Variants in CADM2 observed in about 807,000 individuals in gnomAD.
CADM2 encodes the protein immunoglobulin superfamily member 4D.
In CADM2, 12 loss-of-function variants were observed where a neutral mutation model predicts 49.8. The observed-to-expected ratio is 0.24, with a 90% confidence interval of 0.15 to 0.39. The LOEUF (loss-of-function observed/expected upper bound fraction) is 0.39, where lower values mean the gene tolerates loss of function less well. Among genes scored for constraint, CADM2 ranks in the 10% least tolerant of loss-of-function variants. The pLI is 1.00. For missense variants in CADM2, 378 were observed against 492.3 expected (o/e 0.77, Z 2.20); for synonymous variants, 214 against 175.4 (o/e 1.22, Z -1.74).
At chr3:86,062,085 T>A (rs1430789655) in intron 8 of CADM2, among the ~76,000 whole-genome samples, 2 of 152,128 alleles carry the variant, frequency 1.3e-5, no homozygotes, top group African/African-American at 4.8e-5. Context: ...CCAGAAATAC[T>A]TTTTAGAATT....
chr3:86,023,057 T>C lies in CADM2; in HGVS notation c.971-42548T>C, dbSNP rs539135265. ...GAGATCTTCAGGGTTCTAGCATTTT[T>C]TACTTCATTTTACCCAGTCCCCCTT... On this transcript the variant is annotated intron_variant, in intron 8 of 9. Transcript: ENST00000383699. 1.4e-3 allele frequency among the ~76,000 whole-genome samples: 206 copies of C among 152,222 alleles called. 1 individual carries two copies. The highest frequency in any genetic ancestry group is 2.4e-3 in the Non-Finnish European group (160 of 68,040).
intron 3 of CADM2, among the ~76,000 whole-genome samples, chr3:85,875,637 C>A (rs1711722678): frequency 6.6e-6 from 1 of 152,014 alleles, no homozygotes; most frequent in East Asian, 1.9e-4. Flanking sequence ...GAGATTTCAA[C>A]TGAAAAAAAC....
intron 2 of CADM2, among the ~76,000 whole-genome samples, chr3:85,753,311 GAAGA>G (rs1479850544): frequency 6.6e-6 from 1 of 151,878 alleles, no homozygotes; most frequent in Non-Finnish European, 1.5e-5. Context: ...GAGGCAAAAA[GAAGA>G]AAGAGGAAGG....
intron 1 of CADM2, among the ~76,000 whole-genome samples, chr3:85,006,925 C>A (rs138551206): frequency 1.3e-5 from 2 of 151,978 alleles, no homozygotes; most frequent in African/African-American, 4.8e-5. Flanking sequence ...ATTATACATT[C>A]GTGCATTGAT....
chr3:86,008,128 T>A (rs1577932066), intron 8 of CADM2, among the ~76,000 whole-genome samples: 1 of 152,286 alleles, frequency 6.6e-6, no homozygotes, highest in Non-Finnish European at 1.5e-5. Flanking sequence ...AAAATCAATT[T>A]TTTTTTCCAA....
intron 1 of CADM2, among the ~76,000 whole-genome samples, chr3:85,320,758 T>C (rs1337629421): frequency 6.6e-6 from 1 of 152,174 alleles, no homozygotes; most frequent in African/African-American, 2.4e-5. Context: ...TTTTGTTTTC[T>C]GTAACTTCCT....
chr3:85,555,398 CTGCT>C (rs1430432486), intron 1 of CADM2, among the ~76,000 whole-genome samples: 1 of 152,078 alleles, frequency 6.6e-6, no homozygotes, highest in East Asian at 1.9e-4. Flanking sequence ...TTTAAAATAA[CTGCT>C]TGGTCAGGAT....
intron 1 of CADM2, among the ~76,000 whole-genome samples, chr3:85,177,069 C>A (rs911752082): frequency 1.3e-5 from 2 of 151,982 alleles, no homozygotes; most frequent in African/African-American, 4.8e-5. Context: ...CTTGCTTAGA[C>A]CTAAAAAATA....
intron 2 of CADM2, among the ~76,000 whole-genome samples, chr3:85,758,531 A>C (rs1445373388): frequency 6.6e-6 from 1 of 152,126 alleles, no homozygotes; most frequent in African/African-American, 2.4e-5. Flanking sequence ...GTGTTTCTTT[A>C]TAAAACACAG....
chr3:85,432,255 G>T (rs1467300193), intron 1 of CADM2, among the ~76,000 whole-genome samples: 3 of 151,676 alleles, frequency 2.0e-5, no homozygotes, highest in African/African-American at 7.3e-5. Context: ...ACTTCTAGAC[G>T]CAGCCATAGA....
chr3:85,250,896 C>A (rs907264115), intron 1 of CADM2, among the ~76,000 whole-genome samples: 4 of 151,608 alleles, frequency 2.6e-5, no homozygotes, highest in Non-Finnish European at 5.9e-5. Flanking sequence ...ACATAGAGAA[C>A]AATTTCCTCT....
intron 2 of CADM2, among the ~76,000 whole-genome samples, chr3:85,734,991 T>G (rs974888835): frequency 3.3e-5 from 5 of 151,126 alleles, no homozygotes; most frequent in African/African-American, 1.2e-4. Flanking sequence ...TGTGTGTGTG[T>G]GTGTGTGTAT....
rs761300934 is a variant in CADM2, at chr3:85,075,226, G to GTT, written c.61+115569_61+115570dup. ...GTGATCAGGCCTAAGCAGTTTTTTT[G>GTT]TTTTTTTTTTTTAATATCATAAGGT... is the stretch of plus-strand genomic sequence containing the variant. On this transcript the variant is annotated intron_variant, in intron 1 of 9. Coordinates refer to ENST00000383699, the MANE Select transcript of CADM2 (RefSeq NM_001167675.2). 2.0e-3 allele frequency among the ~76,000 whole-genome samples: 283 copies of GTT among 140,980 alleles called. 2 individuals are homozygous for GTT. Among genetic ancestry groups the GTT allele is most frequent in the African/African-American group, 7.0e-3 (271 of 38,634 alleles). 92.5% of individuals were successfully genotyped at this position (140,980 alleles called of 152,430 possible). A position where few individuals can be genotyped will look rare whatever the true frequency, so the allele number is the denominator to read the frequency against.
chr3:85,267,964 A>G (rs1236183609), intron 1 of CADM2, among the ~76,000 whole-genome samples: 2 of 151,710 alleles, frequency 1.3e-5, no homozygotes, highest in African/African-American at 2.4e-5. Flanking sequence ...ACAATGTATT[A>G]GGCACTATGT....
chr3:85,744,580 T>C (rs2068533783), intron 2 of CADM2, among the ~76,000 whole-genome samples: 1 of 152,166 alleles, frequency 6.6e-6, no homozygotes, highest in East Asian at 1.9e-4. Context: ...GGTAAGGTCT[T>C]AATGAGAAGA....
intron 1 of CADM2, among the ~76,000 whole-genome samples, chr3:85,446,296 T>G (rs2107554678): frequency 6.6e-6 from 1 of 152,264 alleles, no homozygotes; most frequent in East Asian, 1.9e-4. Flanking sequence ...AATAAAAATT[T>G]ACAGAAGAGT....
chr3:85,006,969 T>G (rs1398573372), intron 1 of CADM2, among the ~76,000 whole-genome samples: 2 of 152,176 alleles, frequency 1.3e-5, no homozygotes, highest in East Asian at 1.9e-4. Flanking sequence ...TGCCAATTAA[T>G]GTCCAATAAA....
At chr3:86,051,553 A>G (rs1039087985) in intron 8 of CADM2, among the ~76,000 whole-genome samples, 5 of 152,160 alleles carry the variant, frequency 3.3e-5, no homozygotes, top group African/African-American at 1.2e-4. Context: ...TTAGTCTGTT[A>G]TAGCATTGCT....
intron 1 of CADM2, among the ~76,000 whole-genome samples, chr3:84,967,895 G>A (rs758647155): frequency 1.3e-5 from 2 of 151,840 alleles, no homozygotes; most frequent in Non-Finnish European, 1.5e-5. Flanking sequence ...AATAAAAATG[G>A]CAAAAAGAAG....
Sources: gnomAD v4.1 joint callset for allele counts (sites outside exome capture counted in the v4.1 genomes callset) on GRCh38, gnomAD v4.1.1 for gene constraint, MANE v1.5 for transcripts, NCBI Gene and HGNC (gene_info 2026-07-23, HGNC 2026-07-21) for gene names.